Variants in EDIL3 observed in about 807,000 individuals in gnomAD.
EDIL3 encodes the protein EGF like and discoidin domains 3, also known as EGF-like repeat and discoidin I-like domain-containing protein 3.
Under a neutral mutation model 67.4 loss-of-function variants are expected in EDIL3, and 37 were observed. That is an observed-to-expected ratio of 0.55 (90% confidence interval 0.42 to 0.72). The LOEUF (loss-of-function observed/expected upper bound fraction) is 0.72, where lower values mean the gene tolerates loss of function less well. EDIL3 is among the 30% of genes least tolerant of loss of function. EDIL3 has a pLI of 0.00. For missense variants in EDIL3, 527 were observed against 586.3 expected (o/e 0.90, Z 1.04); for synonymous variants, 195 against 196.3 (o/e 0.99, Z 0.05).
chr5:84,115,979 G>C (rs1420339490), intron 5 of EDIL3, among the ~76,000 whole-genome samples: 1 of 152,148 alleles, frequency 6.6e-6, no homozygotes, highest in Non-Finnish European at 1.5e-5. Flanking sequence ...TGCACATCAG[G>C]CTACGTGCCC....
intron 5 of EDIL3, among the ~76,000 whole-genome samples, chr5:84,107,212 T>G (rs1747480967): frequency 6.6e-6 from 1 of 152,066 alleles, no homozygotes; most frequent in Non-Finnish European, 1.5e-5. Flanking sequence ...TCAACAAATA[T>G]TTTTCCATCC....
intron 2 of EDIL3, among the ~76,000 whole-genome samples, chr5:84,248,966 C>G (rs527646554): frequency 6.6e-6 from 1 of 151,410 alleles, no homozygotes; most frequent in African/African-American, 2.4e-5. Context: ...CATATTGCAC[C>G]AACAGAAATA....
At chr5:84,371,197 G>T (rs1260945287) in intron 1 of EDIL3, among the ~76,000 whole-genome samples, 1 of 150,920 alleles carries the variant, frequency 6.6e-6, no homozygotes, top group Non-Finnish European at 1.5e-5. Flanking sequence ...GTGTGTGTGA[G>T]CATGAGTTAC....
intron 10 of EDIL3, among the ~76,000 whole-genome samples, chr5:83,959,948 GT>G (rs1381312090): frequency 1.3e-5 from 2 of 150,780 alleles, no homozygotes; most frequent in East Asian, 2.0e-4. Flanking sequence ...TTTCTCATTT[GT>G]TTTATAAAAT....
intron 3 of EDIL3, among the ~76,000 whole-genome samples, chr5:84,195,353 C>T (rs1743684444): frequency 6.6e-6 from 1 of 151,894 alleles, no homozygotes; most frequent in Non-Finnish European, 1.5e-5. Flanking sequence ...TGAACTGTCC[C>T]TCTTTAAGAT....
At chr5:84,199,845 G>T (rs1053794790) in intron 3 of EDIL3, among the ~76,000 whole-genome samples, 1 of 151,988 alleles carries the variant, frequency 6.6e-6, no homozygotes, top group South Asian at 2.1e-4. Context: ...ATCAGCAGTG[G>T]TATATGGAGG....
intron 5 of EDIL3, among the ~76,000 whole-genome samples, chr5:84,120,304 T>G (rs1713201838): frequency 6.6e-6 from 1 of 152,010 alleles, no homozygotes; most frequent in African/African-American, 2.4e-5. Flanking sequence ...ACTTAAAATC[T>G]CTAAAGAGCT....
chr5:84,250,120 C>T (rs992329306), intron 2 of EDIL3, among the ~76,000 whole-genome samples: 1 of 152,186 alleles, frequency 6.6e-6, no homozygotes, highest in Non-Finnish European at 1.5e-5. Context: ...GCATTCAGTG[C>T]ACATCTGTGC....
rs1746404448 is a variant in EDIL3 at position 84,054,482 on chromosome 5, T to G, written c.1137+5818A>C. 3.3e-5 allele frequency among the ~76,000 whole-genome samples: 5 copies of G among 152,004 alleles called. No homozygotes were observed. The South Asian group carries it at 8.3e-4, about 25-fold the overall frequency. On this transcript the variant is annotated intron_variant, in intron 9 of 10. Transcript: ENST00000296591. ...AGGGCAATCAGGCAGGAGAAAGAAATAAAGGGTATTCAATTAGGAGAAGAG... is the reference window on the plus strand; with the variant it reads ...AGGGCAATCAGGCAGGAGAAAGAAAGAAAGGGTATTCAATTAGGAGAAGAG...
intron 1 of EDIL3, among the ~76,000 whole-genome samples, chr5:84,293,457 A>G (rs970036229): frequency 2.0e-5 from 3 of 150,636 alleles, no homozygotes; most frequent in African/African-American, 7.5e-5. Context: ...CCACTGTGCT[A>G]CAGCTTAACC....
At chr5:84,268,545 T>C (rs771966369) in intron 1 of EDIL3, among the ~76,000 whole-genome samples, 5 of 152,222 alleles carry the variant, frequency 3.3e-5, no homozygotes, top group African/African-American at 4.8e-5. Context: ...TTATTTGACA[T>C]TGATATTAGT....
chr5:83,943,357 G>C lies in EDIL3; in HGVS notation c.*62C>G, dbSNP rs1744258399. The stretch of plus-strand genomic sequence containing the variant: ...TTCAGTTTCCTACAGATTTTGCACA[G>C]TTCATTCCATGGAGATACTTTTAGG... On this transcript the variant is annotated 3_prime_UTR_variant, in exon 11 of 11. Coordinates refer to ENST00000296591, the MANE Select transcript of EDIL3 (RefSeq NM_005711.5). The C allele has an allele frequency of 1.3e-6, 2 of 1,596,066 alleles. No individual in the cohort carries two copies. Among genetic ancestry groups the C allele is most frequent in the Non-Finnish European group, 1.7e-6 (2 of 1,167,734 alleles).
intron 9 of EDIL3, among the ~76,000 whole-genome samples, chr5:84,020,072 T>C (rs1173121492): frequency 1.4e-3 from 31 of 22,920 alleles, no homozygotes; most frequent in Admixed American, 3.3e-3. Flanking sequence ...GATTATCTTT[T>C]GTACAAAAAA....
intron 1 of EDIL3, among the ~76,000 whole-genome samples, chr5:84,309,449 T>C (rs999601655): frequency 2.0e-5 from 3 of 151,886 alleles, no homozygotes; most frequent in African/African-American, 7.3e-5. Flanking sequence ...CCACTAACTC[T>C]TCATCTAGCA....
chr5:84,050,126 A>G (rs892407358), intron 9 of EDIL3, among the ~76,000 whole-genome samples: 1 of 135,980 alleles, frequency 7.4e-6, no homozygotes, highest in South Asian at 2.4e-4. Context: ...TGAACCCGGG[A>G]GGCGGAGCTT....
At chr5:84,016,801 T>A (rs1009614426) in intron 9 of EDIL3, among the ~76,000 whole-genome samples, 34 of 152,166 alleles carry the variant, frequency 2.2e-4, no homozygotes, top group African/African-American at 6.8e-4. Flanking sequence ...CACTCCTGGT[T>A]CCAAGTGTTT....
chr5:84,033,593 A>G (rs1031884032), intron 9 of EDIL3, among the ~76,000 whole-genome samples: 3 of 151,184 alleles, frequency 2.0e-5, no homozygotes, highest in Non-Finnish European at 4.4e-5. Flanking sequence ...AGTCCCAGCT[A>G]CTTGTGAGGT....
intron 3 of EDIL3, among the ~76,000 whole-genome samples, chr5:84,215,885 A>G (rs1213034020): frequency 2.0e-5 from 3 of 152,206 alleles, no homozygotes; most frequent in African/African-American, 7.2e-5. Context: ...CAAAATATAT[A>G]AAGTTTCTAT....
chr5:84,141,285 A>G (rs1289283517), intron 4 of EDIL3, among the ~76,000 whole-genome samples: 1 of 150,970 alleles, frequency 6.6e-6, no homozygotes, highest in Non-Finnish European at 1.5e-5. Context: ...AACAGCTTCA[A>G]AATATGACTT....
Sources: gnomAD v4.1 joint callset for allele counts (sites outside exome capture counted in the v4.1 genomes callset) on GRCh38, gnomAD v4.1.1 for gene constraint, MANE v1.5 for transcripts, NCBI Gene and HGNC (gene_info 2026-07-23, HGNC 2026-07-21) for gene names.